PBX3: variants seen among roughly 807,000 people sequenced by gnomAD.
PBX3 encodes PBX homeobox 3, also known as pre-B-cell leukemia transcription factor 3.
Under a neutral mutation model 48.5 loss-of-function variants are expected in PBX3, and 14 were observed. The observed-to-expected ratio is 0.29, with a 90% CI of 0.19 to 0.45. PBX3 has a LOEUF of 0.45. Among genes scored for constraint, PBX3 ranks in the 20% least tolerant of loss-of-function variants. The pLI is 1.00. For synonymous variants in PBX3, 210 were observed against 200.3 expected (o/e 1.05, Z -0.41); for missense variants, 386 against 546.7 (o/e 0.71, Z 2.93).
intron 5 of PBX3, among the ~76,000 whole-genome samples, chr9:125,937,460 G>A (rs574145023): frequency 1.7e-4 from 26 of 152,010 alleles, no homozygotes; most frequent in African/African-American, 5.8e-4. Context: ...CTGAGAAAAA[G>A]GTACAGAGGT....
At chr9:125,924,872 G>T (rs187045507) in intron 3 of PBX3, among the ~76,000 whole-genome samples, 1 of 152,194 alleles carries the variant, frequency 6.6e-6, no homozygotes, top group Admixed American at 6.5e-5. Context: ...AGGCTTACTT[G>T]TTTCATTTCT....
At chr9:125,822,906 A>AT (rs1188172103) in intron 2 of PBX3, among the ~76,000 whole-genome samples, 2 of 151,750 alleles carry the variant, frequency 1.3e-5, no homozygotes, top group Non-Finnish European at 2.9e-5. Context: ...GAATTTTGGG[A>AT]TTTTATGGAT....
intron 2 of PBX3, among the ~76,000 whole-genome samples, chr9:125,784,313 C>G (rs560666275): frequency 6.8e-4 from 103 of 152,026 alleles, no homozygotes; most frequent in African/African-American, 2.5e-3. Context: ...ATTTTTAGTA[C>G]AGACGGGGTT....
At chr9:125,751,138 T>G (rs1161774217) in intron 2 of PBX3, among the ~76,000 whole-genome samples, 1 of 152,222 alleles carries the variant, frequency 6.6e-6, no homozygotes, top group East Asian at 1.9e-4. Context: ...TAATAATACC[T>G]AAAAATTAAT....
intron 2 of PBX3, among the ~76,000 whole-genome samples, chr9:125,887,527 T>C (rs997384420): frequency 6.6e-6 from 1 of 152,200 alleles, no homozygotes; most frequent in Non-Finnish European, 1.5e-5. Flanking sequence ...TTTTTAACTT[T>C]ATGTTGCGTA....
At chr9:125,909,860 C>T (rs1841162916) in intron 2 of PBX3, among the ~76,000 whole-genome samples, 1 of 152,126 alleles carries the variant, frequency 6.6e-6, no homozygotes, top group Non-Finnish European at 1.5e-5. Context: ...AGCTGCTTTC[C>T]ATCGAACCCC....
intron 2 of PBX3, among the ~76,000 whole-genome samples, chr9:125,763,756 T>G (rs1210655756): frequency 6.6e-6 from 1 of 152,164 alleles, no homozygotes; most frequent in Non-Finnish European, 1.5e-5. Context: ...TGTCCCTCCT[T>G]TTACTCCACT....
intron 2 of PBX3, among the ~76,000 whole-genome samples, chr9:125,832,847 G>T (rs1210767653): frequency 4.6e-5 from 7 of 152,120 alleles, no homozygotes; most frequent in Admixed American, 4.6e-4. Flanking sequence ...CTGCTGTTGG[G>T]TGTTTTTGGC....
chr9:125,748,139 G>A, intron 1 of PBX3: 3 of 637,360 alleles, frequency 4.7e-6, no homozygotes, highest in Non-Finnish European at 5.9e-6. Context: ...GGAGAGGGAG[G>A]GCCGCCTTGC....
chr9:125,748,145 C>A lies in PBX3; in HGVS notation c.201-405C>A. The A allele has an allele frequency of 5.6e-6, 4 of 712,320 alleles. No individual in the cohort carries two copies. The South Asian group carries it at 2.5e-4, about 45-fold the overall frequency. 44.1% of individuals were successfully genotyped at this position (712,320 alleles called of 1,614,324 possible). A position where few individuals can be genotyped will look rare whatever the true frequency, so the allele number is the denominator to read the frequency against. On this transcript the variant is annotated intron_variant, in intron 1 of 8. Coordinates refer to ENST00000373489, the MANE Select transcript of PBX3 (RefSeq NM_006195.6). ...CAAGTTCTCGGAGAGGGAGGGCCGC[C>A]TTGCAAACTTTGCCGAGCTGTCACC... is the stretch of plus-strand genomic sequence containing the variant.
intron 2 of PBX3, among the ~76,000 whole-genome samples, chr9:125,862,294 A>G (rs1291263379): frequency 6.6e-6 from 1 of 152,188 alleles, no homozygotes; most frequent in Non-Finnish European, 1.5e-5. Flanking sequence ...GGTAAGAGCA[A>G]CCAGCATCAA....
chr9:125,886,807 GAAC>G (rs1056073929), intron 2 of PBX3, among the ~76,000 whole-genome samples: 3 of 37,114 alleles, frequency 8.1e-5, no homozygotes, highest in East Asian at 1.1e-3. Flanking sequence ...ATTACAACTT[GAAC>G]AACATTTCTG....
chr9:125,879,839 T>TTA (rs1840340577), intron 2 of PBX3, among the ~76,000 whole-genome samples: 1 of 152,246 alleles, frequency 6.6e-6, no homozygotes, highest in Admixed American at 6.5e-5. Context: ...TTTTGGAAGA[T>TTA]AGAGTTTTTC....
chr9:125,756,739 G>T (rs896646277), intron 2 of PBX3, among the ~76,000 whole-genome samples: 3 of 152,136 alleles, frequency 2.0e-5, no homozygotes, highest in Non-Finnish European at 2.9e-5. Context: ...TGTGAGTTAC[G>T]AATGTGCACA....
chr9:125,783,084 C>G, intron 2 of PBX3, among the ~76,000 whole-genome samples: 1 of 152,004 alleles, frequency 6.6e-6, no homozygotes, highest in South Asian at 2.1e-4. Context: ...AATTTAATGT[C>G]TTTTATCAAA....
At chr9:125,957,248 A>G (rs1318252764) in intron 5 of PBX3, among the ~76,000 whole-genome samples, 1 of 152,252 alleles carries the variant, frequency 6.6e-6, no homozygotes, top group Non-Finnish European at 1.5e-5. Context: ...ATTGCTTCCA[A>G]TTAAACCTTG....
intron 2 of PBX3, among the ~76,000 whole-genome samples, chr9:125,868,510 A>G (rs756691174): frequency 2.6e-5 from 4 of 152,210 alleles, no homozygotes; most frequent in Non-Finnish European, 4.4e-5. Flanking sequence ...GCCAGAAGAA[A>G]GGACAGAGAG....
Position 125,764,148 on chromosome 9 carries a change from C to T in PBX3, c.274+15525C>T, listed in dbSNP as rs368282495. Among the ~76,000 whole-genome samples, 7 of 152,158 alleles carry T rather than the reference C, an allele frequency of 4.6e-5. No individual in the cohort carries two copies. The East Asian group carries it at 1.2e-3, about 25-fold the overall frequency. The stretch of plus-strand genomic sequence containing the variant: ...GGACAGGGCGGGGATAAGAGTGTTG[C>T]AGGGGCTTTCACCTTTTTCCTGCCC... On this transcript the variant is annotated intron_variant, in intron 2 of 8. Transcript: ENST00000373489.
intron 2 of PBX3, among the ~76,000 whole-genome samples, chr9:125,766,192 AT>A (rs1836796684): frequency 6.6e-6 from 1 of 152,050 alleles, no homozygotes; most frequent in Admixed American, 6.6e-5. Flanking sequence ...TATTAGATAT[AT>A]ATCTGCTGAG....
Sources: allele counts gnomAD v4.1 joint callset (sites outside exome capture counted in the v4.1 genomes callset), GRCh38; gene constraint gnomAD v4.1.1; transcripts MANE v1.5; gene names NCBI Gene and HGNC (gene_info 2026-07-23, HGNC 2026-07-21).